Variants in RAVER2 observed in about 807,000 individuals in gnomAD.
The protein encoded by RAVER2 is ribonucleoprotein PTB-binding 2.
Under a neutral mutation model 78.1 loss-of-function variants are expected in RAVER2, and 46 were observed. That is an observed-to-expected ratio of 0.59 (90% confidence interval 0.46 to 0.75). The LOEUF (loss-of-function observed/expected upper bound fraction) is 0.75, where lower values mean the gene tolerates loss of function less well. Among genes scored for constraint, RAVER2 ranks in the 30% least tolerant of loss-of-function variants. The pLI is 0.00. For missense variants in RAVER2, 793 were observed against 837.5 expected (o/e 0.95, Z 0.66); for synonymous variants, 311 against 313.3 (o/e 0.99, Z 0.08).
At chr1:64,778,286 G>A (rs551766677) in intron 3 of RAVER2, among the ~76,000 whole-genome samples, 194 bp downstream of exon 3, 27 of 152,188 alleles carry the variant, frequency 1.8e-4, no homozygotes, top group Non-Finnish European at 5.9e-5. Context: ...AAAGTATGTT[G>A]TTATGTAGTT....
At chr1:64,761,124 G>T (rs1164220661) in intron 1 of RAVER2, among the ~76,000 whole-genome samples, 1 of 152,184 alleles carries the variant, frequency 6.6e-6, no homozygotes, top group Admixed American at 6.5e-5. Flanking sequence ...ATCAGTAAAT[G>T]ATTGTTTTTT....
At chr1:64,822,942 A>T (rs1007769387) in intron 11 of RAVER2, among the ~76,000 whole-genome samples, 1 of 152,220 alleles carries the variant, frequency 6.6e-6, no homozygotes, top group Admixed American at 6.5e-5. Context: ...AAAAGTCCAC[A>T]TATGATATTC....
intron 1 of RAVER2, among the ~76,000 whole-genome samples, chr1:64,747,575 G>A (rs887148313): frequency 1.3e-5 from 2 of 150,896 alleles, no homozygotes; most frequent in African/African-American, 4.9e-5. Flanking sequence ...GCAGTGGCGC[G>A]ACCTCAGCTC....
At chr1:64,759,749 C>A (rs551253761) in intron 1 of RAVER2, among the ~76,000 whole-genome samples, 6 of 152,184 alleles carry the variant, frequency 3.9e-5, no homozygotes, top group African/African-American at 1.2e-4. Context: ...ATCTCCTGAC[C>A]GCATGATCCA....
chr1:64,816,882 A>G (rs1305860320), intron 11 of RAVER2, among the ~76,000 whole-genome samples: 1 of 152,240 alleles, frequency 6.6e-6, no homozygotes, highest in African/African-American at 2.4e-5. Context: ...ACCAATGGCA[A>G]CAAAAGCCAA....
At chr1:64,761,734 TA>T (rs944331005) in intron 1 of RAVER2, among the ~76,000 whole-genome samples, 4 of 152,020 alleles carry the variant, frequency 2.6e-5, no homozygotes, top group African/African-American at 9.7e-5. Flanking sequence ...TTTAAAGATA[TA>T]AAAAAAGATG....
chr1:64,765,588 A>G (rs1160545022), intron 1 of RAVER2, among the ~76,000 whole-genome samples: 2 of 152,324 alleles, frequency 1.3e-5, no homozygotes, highest in East Asian at 1.9e-4. Context: ...CCACATGCCT[A>G]CATACAGATA....
In RAVER2 at chr1:64,778,067, G is replaced by A. The variant is rs1445435271; in HGVS notation, c.761G>A (p.Ser254Asn). The stretch of plus-strand genomic sequence containing the variant: ...GAAGAGCTGTTGCAAATTTTTTCCA[G>A]TGTCCATAAACCTGTGTTTTGCCAG... The change falls in exon 3 of 12, where the codon AGT becomes AAT. Residue 254 changes from serine to asparagine, a missense_variant. Coordinates refer to ENST00000294428, the Ensembl canonical transcript of RAVER2. 5 of 1,613,060 alleles carry A rather than the reference G, an allele frequency of 3.1e-6. No individual in the cohort carries two copies. In the Admixed American group the frequency reaches 8.3e-5, roughly 27 times the overall value.
chr1:64,779,226 A>G (rs1652559507), intron 3 of RAVER2, among the ~76,000 whole-genome samples: 1 of 151,962 alleles, frequency 6.6e-6, no homozygotes, highest in Non-Finnish European at 1.5e-5. Context: ...AGATCTTTTG[A>G]ACCTATTTCT....
intron 3 of RAVER2, among the ~76,000 whole-genome samples, chr1:64,780,079 TA>T (rs11324364): frequency 0.022 from 3,396 of 151,868 alleles, 144 homozygotes; most frequent in African/African-American, 0.078. Context: ...AATAGAATAG[TA>T]AAAAAAAATT....
At chr1:64,777,397 T>C (rs1381943626) in intron 2 of RAVER2, among the ~76,000 whole-genome samples, 1 of 152,070 alleles carries the variant, frequency 6.6e-6, no homozygotes, top group Non-Finnish European at 1.5e-5. Flanking sequence ...CTATTTTGGG[T>C]TACTGTTGAT....
At chr1:64,779,852 C>T (rs1652581422) in intron 3 of RAVER2, among the ~76,000 whole-genome samples, 1 of 151,354 alleles carries the variant, frequency 6.6e-6, no homozygotes, top group South Asian at 2.1e-4. Flanking sequence ...TATTTGCTAC[C>T]ATATTTTTGA....
At chr1:64,824,270 TATGATGAG>T (rs1470899756) in intron 11 of RAVER2, among the ~76,000 whole-genome samples, 11 of 152,212 alleles carry the variant, frequency 7.2e-5, no homozygotes, top group African/African-American at 1.2e-4. Context: ...CCACAGAATA[TATGATGAG>T]ATGATGTGAT....
At position 64,807,467 on chromosome 1, in the gene RAVER2, G is replaced by GT; in HGVS notation, c.1675dup (p.Ser559PhefsTer6). ...AGCCAGCCAAAAGGCACAGAGATAAGTTCAGGGGTAAGAAAACTGTGGGTG... is the reference window on the plus strand; with the variant it reads ...AGCCAGCCAAAAGGCACAGAGATAAGTTTCAGGGGTAAGAAAACTGTGGGTG... On this transcript the variant is annotated frameshift_variant, in exon 9 of 12. Coordinates refer to ENST00000294428, the Ensembl canonical transcript of RAVER2. LOFTEE classifies it high-confidence loss of function. 1 of 1,612,884 alleles carries GT rather than the reference G, an allele frequency of 6.2e-7. No homozygotes were observed. The highest frequency in any genetic ancestry group is 8.5e-7 in the Non-Finnish European group (1 of 1,179,140).
At chr1:64,785,332 A>C (rs111715618) in intron 4 of RAVER2, among the ~76,000 whole-genome samples, 3 of 146,308 alleles carry the variant, frequency 2.1e-5, no homozygotes, top group Admixed American at 1.4e-4. Flanking sequence ...TACACATTCT[A>C]TCTCTATCCT....
chr1:64,803,059 C>G lies in RAVER2; in HGVS notation c.1189C>G (p.Gln397Glu). ...ATTTTTACATTTGAATAAAGCACAT[C>G]AGGTACATAAATAACATTGAGTACT... Residue 397 changes from glutamine to glutamate, a missense_variant and splice_region_variant, in exon 6 of 12, where the codon CAG becomes GAG. Transcript: ENST00000294428. The G allele has an allele frequency of 1.9e-6, 3 of 1,579,730 alleles. No individual in the cohort carries two copies. The South Asian group carries it at 3.3e-5, about 18-fold the overall frequency.
At chr1:64,803,101 G>T in intron 6 of RAVER2, 40 bp downstream of exon 6, 1 of 1,392,680 alleles carries the variant, frequency 7.2e-7, no homozygotes, top group Non-Finnish European at 1.0e-6. Context: ...TTAAATATTC[G>T]GAGTGAATAT....
intron 11 of RAVER2, among the ~76,000 whole-genome samples, chr1:64,827,043 G>A (rs1476166715): frequency 6.6e-6 from 1 of 152,144 alleles, no homozygotes; most frequent in Non-Finnish European, 1.5e-5. Flanking sequence ...CAAGTCTGGA[G>A]GTGAGGGGAG....
chr1:64,792,656 A>G (rs940948273), intron 5 of RAVER2, among the ~76,000 whole-genome samples: 3 of 152,198 alleles, frequency 2.0e-5, no homozygotes, highest in Non-Finnish European at 2.9e-5. Context: ...AAGTTATTTC[A>G]TAAGCATAGC....
Sources: gnomAD v4.1 joint callset for allele counts (sites outside exome capture counted in the v4.1 genomes callset) on GRCh38, gnomAD v4.1.1 for gene constraint, MANE v1.5 for transcripts, NCBI Gene and HGNC (gene_info 2026-07-23, HGNC 2026-07-21) for gene names.